TOP6BL: variants seen among roughly 807,000 people sequenced by gnomAD.
TOP6BL encodes the protein TOP6B like initiator of meiotic double strand breaks, also known as type 2 DNA topoisomerase 6 subunit B-like.
chr11:66,809,763 G>C, the TOP6BL span, among the ~76,000 whole-genome samples: 1 of 152,130 alleles, frequency 6.6e-6, no homozygotes, highest in South Asian at 2.1e-4. Context: ...AAGTGCAGTT[G>C]TGCGATCATA....
the TOP6BL span, among the ~76,000 whole-genome samples, chr11:66,829,383 C>G: frequency 6.6e-6 from 1 of 152,138 alleles, no homozygotes; most frequent in African/African-American, 2.4e-5. Flanking sequence ...CGAGACCAGC[C>G]TGGCCAACAT....
At chr11:66,807,936 C>T in the TOP6BL span, among the ~76,000 whole-genome samples, 5 of 152,162 alleles carry the variant, frequency 3.3e-5, no homozygotes, top group African/African-American at 1.2e-4. Flanking sequence ...TTTTGGTCAT[C>T]TAGGCAGGCC....
the TOP6BL span, among the ~76,000 whole-genome samples, chr11:66,834,437 C>G: frequency 2.6e-5 from 4 of 152,126 alleles, no homozygotes; most frequent in Non-Finnish European, 5.9e-5. Context: ...AAGAGTGGCA[C>G]CCAGTGGCTT....
At chr11:66,764,417 G>T in the TOP6BL span, among the ~76,000 whole-genome samples, 1 of 150,880 alleles carries the variant, frequency 6.6e-6, no homozygotes, top group Non-Finnish European at 1.5e-5. Flanking sequence ...ACTTTGGGAG[G>T]CCTAGGCGGG....
At chr11:66,822,957 C>G in the TOP6BL span, among the ~76,000 whole-genome samples, 1 of 150,910 alleles carries the variant, frequency 6.6e-6, no homozygotes, top group Non-Finnish European at 1.5e-5. Context: ...CGTGATCATG[C>G]CACTGTACTC....
chr11:66,790,382 G>C, the TOP6BL span, among the ~76,000 whole-genome samples: 32 of 152,276 alleles, frequency 2.1e-4, no homozygotes, highest in East Asian at 6.2e-3. Context: ...GATGATAGAA[G>C]TGAGCCCTGA....
At chr11:66,807,859 G>A in the TOP6BL span, among the ~76,000 whole-genome samples, 1 of 152,196 alleles carries the variant, frequency 6.6e-6, no homozygotes, top group Non-Finnish European at 1.5e-5. Context: ...GGGATAACTA[G>A]AAGGCTATAT....
the TOP6BL span, among the ~76,000 whole-genome samples, chr11:66,783,121 A>C: frequency 9.8e-5 from 15 of 152,304 alleles, no homozygotes; most frequent in South Asian, 2.9e-3. Flanking sequence ...TGAGGCAGGA[A>C]GATCTCTCGA....
the TOP6BL span, among the ~76,000 whole-genome samples, chr11:66,792,430 A>G: frequency 1.3e-5 from 2 of 152,236 alleles, no homozygotes; most frequent in African/African-American, 4.8e-5. Flanking sequence ...TATATTGAGT[A>G]GCCATACATA....
chr11:66,816,216 G>A, the TOP6BL span: 30 of 1,599,662 alleles, frequency 1.9e-5, no homozygotes, highest in Non-Finnish European at 2.5e-5. Flanking sequence ...ATAAGAGAAT[G>A]GGGTTGCCAG....
the TOP6BL span, chr11:66,801,006 G>A: frequency 1.9e-6 from 3 of 1,610,750 alleles, no homozygotes; most frequent in Admixed American, 1.7e-5. Flanking sequence ...TTTGAGAGAT[G>A]GCTTAGCTTT....
At chr11:66,763,920 A>G in the TOP6BL span, among the ~76,000 whole-genome samples, 1 of 152,208 alleles carries the variant, frequency 6.6e-6, no homozygotes, top group Non-Finnish European at 1.5e-5. Flanking sequence ...TTTTTATTTT[A>G]GCTCCAGAAC....
the TOP6BL span, among the ~76,000 whole-genome samples, chr11:66,781,470 T>A: frequency 6.6e-6 from 1 of 152,212 alleles, no homozygotes; most frequent in African/African-American, 2.4e-5. Flanking sequence ...TTTAAGCCTT[T>A]GAACATATTT....
At chr11:66,752,438 C>T in the TOP6BL span, among the ~76,000 whole-genome samples, 3 of 151,256 alleles carry the variant, frequency 2.0e-5, no homozygotes, top group Non-Finnish European at 4.4e-5. Flanking sequence ...TTTTTTCTTC[C>T]CCTCTGTGTA....
At chr11:66,791,973 A>G in the TOP6BL span, among the ~76,000 whole-genome samples, 2 of 152,022 alleles carry the variant, frequency 1.3e-5, no homozygotes, top group Admixed American at 6.6e-5. Context: ...ACTCGCCACC[A>G]TGCCTGGCTA....
the TOP6BL span, among the ~76,000 whole-genome samples, chr11:66,811,822 C>G: frequency 6.6e-6 from 1 of 152,062 alleles, no homozygotes; most frequent in African/African-American, 2.4e-5. Flanking sequence ...CACCTGTAGT[C>G]CCAACTACCT....
At chr11:66,810,867 T>A in the TOP6BL span, among the ~76,000 whole-genome samples, 1 of 148,440 alleles carries the variant, frequency 6.7e-6, no homozygotes, top group Non-Finnish European at 1.5e-5. Context: ...AAAAAATCTT[T>A]AAAAAACAAG....
At chr11:66,817,683 C>T in the TOP6BL span, among the ~76,000 whole-genome samples, 5 of 152,074 alleles carry the variant, frequency 3.3e-5, no homozygotes, top group East Asian at 5.8e-4. Flanking sequence ...GTGATCCACC[C>T]GCCTCAGCCC....
chr11:66,796,855 C>T, the TOP6BL span, among the ~76,000 whole-genome samples: 1 of 148,410 alleles, frequency 6.7e-6, no homozygotes, highest in Admixed American at 6.7e-5. Flanking sequence ...GTCCTTAAGA[C>T]AGTTGTTTTT....
Sources: allele counts gnomAD v4.1 joint callset (sites outside exome capture counted in the v4.1 genomes callset), GRCh38; gene constraint gnomAD v4.1.1; transcripts MANE v1.5; gene names NCBI Gene and HGNC (gene_info 2026-07-23, HGNC 2026-07-21).